The following ASTN1 variants were observed in gnomAD, a reference collection of about 807,000 sequenced individuals.
ASTN1 encodes the protein astrotactin 1, also known as astrotactin-1.
In ASTN1, 41 loss-of-function variants were observed where a neutral mutation model predicts 140.7. The observed-to-expected ratio is 0.29, with a 90% confidence interval of 0.23 to 0.38. The LOEUF is 0.38. Ranked by LOEUF, ASTN1 falls within the 10% of genes least tolerant of loss-of-function variation. The pLI is 1.00. For synonymous variants in ASTN1, 640 were observed against 652.2 expected, an observed-to-expected ratio of 0.98 and a Z score of 0.29; for missense variants, 1,479 against 1,678.8, an observed-to-expected ratio of 0.88 and a Z score of 2.08.
At chr1:177,129,368 T>C (rs1266112130) in intron 1 of ASTN1, among the ~76,000 whole-genome samples, 1 of 150,688 alleles carries the variant, frequency 6.6e-6, no homozygotes, top group African/African-American at 2.4e-5. Context: ...CTTGGGGAGG[T>C]GAAATGTGAA....
intron 8 of ASTN1, among the ~76,000 whole-genome samples, chr1:176,969,746 T>G (rs1673054636): frequency 6.6e-6 from 1 of 152,210 alleles, no homozygotes; most frequent in Non-Finnish European, 1.5e-5. Flanking sequence ...TGATATGTGG[T>G]CTCCAATATT....
At chr1:176,897,604 T>G (rs1489385183) in intron 16 of ASTN1, among the ~76,000 whole-genome samples, 2 of 152,084 alleles carry the variant, frequency 1.3e-5, no homozygotes, top group Non-Finnish European at 2.9e-5. Flanking sequence ...TTTGGCACTG[T>G]AGAAAATAAA....
intron 16 of ASTN1, among the ~76,000 whole-genome samples, chr1:176,905,327 A>C (rs1414307637): frequency 1.3e-5 from 2 of 152,194 alleles, no homozygotes; most frequent in Non-Finnish European, 2.9e-5. Flanking sequence ...CGGAAAATTC[A>C]ATGCCTTGCT....
chr1:177,103,251 C>T (rs954481219), intron 1 of ASTN1, among the ~76,000 whole-genome samples: 2 of 152,094 alleles, frequency 1.3e-5, no homozygotes, highest in African/African-American at 2.4e-5. Flanking sequence ...TAATGAGATG[C>T]TAAGGCAAAT....
chr1:177,041,095 G>A (rs369592650), intron 2 of ASTN1, among the ~76,000 whole-genome samples: 8 of 152,164 alleles, frequency 5.3e-5, no homozygotes, highest in Non-Finnish European at 1.0e-4. Flanking sequence ...AAGCAGGGCT[G>A]GGTGAAGCAG....
Position 176,864,193 on chromosome 1 carries a change from A to G in ASTN1, c.*91T>C. On this transcript the variant is annotated 3_prime_UTR_variant, in exon 23 of 23. Coordinates refer to ENST00000361833, the MANE Select transcript of ASTN1 (RefSeq NM_004319.3). ...GTTGCTGTGGAGGTTTTCATGTTCC[A>G]TTAAAAAATATTAAAAATCCACAGA... 2.0e-6 allele frequency: 3 copies of G among 1,518,980 alleles called. No homozygotes were observed. Among genetic ancestry groups the G allele is most frequent in the Non-Finnish European group, 2.6e-6 (3 of 1,140,794 alleles). 94.1% of individuals were successfully genotyped at this position (1,518,980 alleles called of 1,614,324 possible).
intron 8 of ASTN1, among the ~76,000 whole-genome samples, chr1:176,971,743 G>C (rs1027531916): frequency 6.6e-6 from 1 of 152,104 alleles, no homozygotes; most frequent in African/African-American, 2.4e-5. Flanking sequence ...CCCACAGTGC[G>C]CACAGTAGTA....
At chr1:176,965,033 G>T (rs1216527801) in intron 9 of ASTN1, 130 bp downstream of exon 9, 25 of 822,902 alleles carry the variant, frequency 3.0e-5, no homozygotes, top group African/African-American at 1.4e-4. Flanking sequence ...AAACACTTTT[G>T]TTAGCAGGTG....
intron 8 of ASTN1, among the ~76,000 whole-genome samples, chr1:176,984,436 C>T (rs994374263): frequency 1.3e-5 from 2 of 152,172 alleles, no homozygotes; most frequent in Admixed American, 1.3e-4. Flanking sequence ...AGTGAGGTTG[C>T]CATCGCACTG....
At chr1:176,897,368 A>G (rs1669561980) in intron 16 of ASTN1, among the ~76,000 whole-genome samples, 1 of 151,674 alleles carries the variant, frequency 6.6e-6, no homozygotes. Context: ...TTCAAAAAAG[A>G]TTATTGAAAT....
At chr1:177,002,262 A>T (rs919597777) in intron 8 of ASTN1, among the ~76,000 whole-genome samples, 10 of 152,250 alleles carry the variant, frequency 6.6e-5, no homozygotes, top group African/African-American at 2.4e-4. Flanking sequence ...GTTGAAGTTC[A>T]TTGTGGTTTA....
chr1:177,143,576 G>A (rs879738985), intron 1 of ASTN1, among the ~76,000 whole-genome samples: 8 of 152,236 alleles, frequency 5.3e-5, no homozygotes, highest in South Asian at 2.1e-4. Flanking sequence ...CAGAGATTCC[G>A]AAATGTCATT....
chr1:177,044,335 G>GTTTGT (rs1466584647), intron 2 of ASTN1, among the ~76,000 whole-genome samples: 3 of 151,368 alleles, frequency 2.0e-5, no homozygotes, highest in African/African-American at 4.8e-5. Flanking sequence ...TGTTGTTGTT[G>GTTTGT]TTTGTTTTGT....
At chr1:176,950,819 C>T (rs886473060) in intron 11 of ASTN1, among the ~76,000 whole-genome samples, 1 of 152,036 alleles carries the variant, frequency 6.6e-6, no homozygotes, top group East Asian at 1.9e-4. Flanking sequence ...ACACACTCCT[C>T]CAAAACCAAC....
intron 16 of ASTN1, among the ~76,000 whole-genome samples, chr1:176,926,790 T>G (rs938938430): frequency 5.9e-5 from 9 of 152,172 alleles, no homozygotes; most frequent in African/African-American, 2.2e-4. Flanking sequence ...CTTCATTGGA[T>G]TTCTATAAAT....
intron 14 of ASTN1, among the ~76,000 whole-genome samples, chr1:176,942,863 T>TTG (rs1349139824): frequency 3.3e-4 from 35 of 107,566 alleles, no homozygotes; most frequent in African/African-American, 6.6e-4. Context: ...TATATATATA[T>TTG]ATAGATTGAT....
Position 177,067,937 on chromosome 1 carries a change from T to C in ASTN1, c.284-6672A>G, listed in dbSNP as rs559971754. 1.1e-3 allele frequency among the ~76,000 whole-genome samples: 171 copies of C among 152,144 alleles called. 1 individual carries two copies. The highest frequency in any genetic ancestry group is 3.8e-3 in the Admixed American group (58 of 15,284). ...GGCTGAGCCTCCATGCCTCTCGCCA[T>C]AGGGACCATCTGGTACGGAGTTCTT... On this transcript the variant is annotated intron_variant, in intron 1 of 22. Transcript: ENST00000361833.
chr1:177,162,907 A>C (rs1182565308), intron 1 of ASTN1, among the ~76,000 whole-genome samples: 7 of 152,218 alleles, frequency 4.6e-5, no homozygotes, highest in Non-Finnish European at 1.0e-4. Flanking sequence ...TTTTGAAAGC[A>C]AAAATAAATA....
chr1:176,985,826 T>TTCTC (rs147146715), intron 8 of ASTN1, among the ~76,000 whole-genome samples: 2 of 142,968 alleles, frequency 1.4e-5, no homozygotes, highest in African/African-American at 2.6e-5. Context: ...ATTTTATTGG[T>TTCTC]TCTCTCTCTC....
Sources: allele counts gnomAD v4.1 joint callset (sites outside exome capture counted in the v4.1 genomes callset), GRCh38; gene constraint gnomAD v4.1.1; transcripts MANE v1.5; gene names NCBI Gene and HGNC (gene_info 2026-07-23, HGNC 2026-07-21).